NEK11: variants seen among roughly 807,000 people sequenced by gnomAD.
The protein encoded by NEK11 is NIMA related kinase 11.
Under a neutral mutation model 80.7 loss-of-function variants are expected in NEK11, and 72 were observed. The ratio of observed to expected loss-of-function variants is 0.89; its 90% confidence interval spans 0.74 to 1.08. The LOEUF (loss-of-function observed/expected upper bound fraction) is 1.08, where lower values mean the gene tolerates loss of function less well. NEK11 is among the 50% of genes least tolerant of loss of function. The pLI is 0.00. For missense variants in NEK11, 764 were observed against 763.6 expected (o/e 1.00, Z -0.01); for synonymous variants, 251 against 260.7 (o/e 0.96, Z 0.36).
intron 14 of NEK11, among the ~76,000 whole-genome samples, chr3:131,182,999 A>G (rs1410945803): frequency 6.6e-6 from 1 of 152,192 alleles, no homozygotes; most frequent in Non-Finnish European, 1.5e-5. Context: ...GCAGTTGCTT[A>G]TGAGCATATG....
intron 17 of NEK11, among the ~76,000 whole-genome samples, chr3:131,277,468 T>C (rs1433660860): frequency 6.6e-6 from 1 of 152,144 alleles, no homozygotes. Flanking sequence ...AAAGGCAAGA[T>C]CTAGTTAAGA....
rs186967756 is a variant in NEK11, at chr3:131,093,398, A to G, written c.336+12810A>G. On this transcript the variant is annotated intron_variant, in intron 4 of 17. Transcript: ENST00000383366. ...AAGAGTCTGAATATATGAATCTAAAAACCCAATCATGTGGAAAGAACCAGA... is the reference window on the plus strand; with the variant it reads ...AAGAGTCTGAATATATGAATCTAAAGACCCAATCATGTGGAAAGAACCAGA... Among the ~76,000 whole-genome samples the G allele has an allele frequency of 1.3e-3, 199 of 148,790 alleles. No homozygotes were observed. In the South Asian group the frequency reaches 0.015, roughly 11 times the overall value.
At position 131,037,971 on chromosome 3, in the gene NEK11, C is replaced by T. The variant is rs144506436; in HGVS notation, c.170+8093C>T. ...TAATTTAATAGGATTCAGTGGTTTA[C>T]GCCGTGGAGAGTTATGAAAACAATT... is the stretch of plus-strand genomic sequence containing the variant. On this transcript the variant is annotated intron_variant, in intron 3 of 17. Transcript: ENST00000383366. 2.4e-3 allele frequency among the ~76,000 whole-genome samples: 369 copies of T among 152,036 alleles called. 1 individual carries two copies. Among genetic ancestry groups the T allele is most frequent in the African/African-American group, 8.1e-3 (335 of 41,476 alleles).
chr3:131,117,452 A>G (rs1431530286), intron 5 of NEK11, among the ~76,000 whole-genome samples: 1 of 152,062 alleles, frequency 6.6e-6, no homozygotes, highest in Non-Finnish European at 1.5e-5. Flanking sequence ...TTGTCTTGGC[A>G]ATGTGGGCTC....
Position 131,349,976 on chromosome 3 carries a change from G to C in NEK11, c.*200G>C, listed in dbSNP as rs2097428978. Reference sequence around the variant, plus strand: ...ATGCTTGGAGTCATAAGTGTTATTTGGACTATACCCTGAGATAAGCTTATA... The same window carrying C: ...ATGCTTGGAGTCATAAGTGTTATTTCGACTATACCCTGAGATAAGCTTATA... On this transcript the variant is annotated 3_prime_UTR_variant, in exon 18 of 18. Transcript: ENST00000383366. The C allele has an allele frequency of 5.2e-6, 3 of 572,704 alleles. No individual in the cohort carries two copies. Among genetic ancestry groups the C allele is most frequent in the African/African-American group, 3.8e-5 (2 of 53,280 alleles). The allele number at this position is 572,704 out of a possible 1,614,324, so 35.5% of individuals were successfully genotyped here. A position where few individuals can be genotyped will look rare whatever the true frequency, so the allele number is the denominator to read the frequency against.
chr3:131,071,979 T>C (rs2073418283), intron 3 of NEK11, among the ~76,000 whole-genome samples: 1 of 152,210 alleles, frequency 6.6e-6, no homozygotes, highest in African/African-American at 2.4e-5. Flanking sequence ...ACCTTAAGCA[T>C]TTACAAATGA....
At chr3:131,218,231 C>T (rs1383210175) in intron 14 of NEK11, among the ~76,000 whole-genome samples, 1 of 152,062 alleles carries the variant, frequency 6.6e-6, no homozygotes, top group East Asian at 1.9e-4. Context: ...GTATCTGGTG[C>T]ATGTATCTTA....
intron 14 of NEK11, among the ~76,000 whole-genome samples, chr3:131,214,681 G>A (rs578255902): frequency 1.5e-5 from 2 of 129,314 alleles, no homozygotes; most frequent in African/African-American, 2.8e-5. Context: ...TTTCTGTCAC[G>A]TGAATGTGCG....
intron 10 of NEK11, among the ~76,000 whole-genome samples, chr3:131,157,020 A>G (rs2090778275): frequency 6.6e-6 from 1 of 151,950 alleles, no homozygotes; most frequent in African/African-American, 2.4e-5. Flanking sequence ...GAGGCCCTTG[A>G]CCCTGTGGCA....
intron 14 of NEK11, among the ~76,000 whole-genome samples, chr3:131,220,269 C>T (rs1405009140): frequency 6.6e-6 from 1 of 152,056 alleles, no homozygotes; most frequent in African/African-American, 2.4e-5. Context: ...AAAAAAAAAT[C>T]TTATGGTTTT....
At chr3:131,129,255 C>T (rs887441205) in intron 5 of NEK11, among the ~76,000 whole-genome samples, 3 of 152,030 alleles carry the variant, frequency 2.0e-5, no homozygotes, top group Non-Finnish European at 2.9e-5. Context: ...GGGGTTTCAC[C>T]ACGTTAGCCA....
intron 16 of NEK11, among the ~76,000 whole-genome samples, chr3:131,269,991 C>T (rs1192084435): frequency 6.6e-6 from 1 of 152,196 alleles, no homozygotes; most frequent in East Asian, 1.9e-4. Context: ...GTTCCTCTGC[C>T]ACCTAGCCCT....
intron 4 of NEK11, among the ~76,000 whole-genome samples, chr3:131,103,084 G>A (rs952613260): frequency 2.6e-5 from 4 of 152,006 alleles, no homozygotes; most frequent in African/African-American, 9.7e-5. Context: ...TAATTCCTTG[G>A]AATCCTTGGG....
intron 16 of NEK11, among the ~76,000 whole-genome samples, chr3:131,270,688 G>A (rs556035738): frequency 1.3e-5 from 2 of 152,264 alleles, no homozygotes; most frequent in South Asian, 2.1e-4. Flanking sequence ...CCTGTTACTC[G>A]AAATTATACT....
Position 131,350,342 on chromosome 3 carries a change from T to C in NEK11, c.*566T>C, listed in dbSNP as rs930415399. 3.9e-5 allele frequency: 6 copies of C among 152,158 alleles called. No individual in the cohort carries two copies. The highest frequency in any genetic ancestry group is 1.5e-4 in the African/African-American group (6 of 41,372). The allele number at this position is 152,158 out of a possible 1,614,324, so 9.4% of individuals were successfully genotyped here. A position where few individuals can be genotyped will look rare whatever the true frequency, so the allele number is the denominator to read the frequency against. On this transcript the variant is annotated 3_prime_UTR_variant, in exon 18 of 18. Transcript: ENST00000383366. ...CACACACAAGGACCTGGATTAAAAA[T>C]CCAAAAAGTGATTCTCTTCTATGAT...
intron 7 of NEK11, among the ~76,000 whole-genome samples, chr3:131,137,608 T>C (rs1012386815): frequency 1.3e-5 from 2 of 152,142 alleles, no homozygotes; most frequent in Non-Finnish European, 2.9e-5. Flanking sequence ...AATGGAAGCT[T>C]AGGTGAGAAA....
At chr3:131,229,918 A>G (rs937079092) in intron 15 of NEK11, among the ~76,000 whole-genome samples, 3 of 152,154 alleles carry the variant, frequency 2.0e-5, no homozygotes, top group Admixed American at 1.3e-4. Flanking sequence ...AACTTAGCTT[A>G]TACCGTTTCC....
intron 15 of NEK11, among the ~76,000 whole-genome samples, chr3:131,241,856 T>A (rs2095524584): frequency 1.3e-5 from 2 of 152,132 alleles, no homozygotes; most frequent in Non-Finnish European, 2.9e-5. Context: ...TTTATGTGTG[T>A]GTGTTTGTAT....
intron 17 of NEK11, among the ~76,000 whole-genome samples, chr3:131,296,681 TTTAAG>T (rs1382846987): frequency 1.3e-5 from 2 of 152,080 alleles, no homozygotes; most frequent in Admixed American, 6.6e-5. Flanking sequence ...TTATTATACT[TTTAAG>T]TTTTAGGGTA....
Sources: allele counts gnomAD v4.1 joint callset (sites outside exome capture counted in the v4.1 genomes callset), GRCh38; gene constraint gnomAD v4.1.1; transcripts MANE v1.5; gene names NCBI Gene and HGNC (gene_info 2026-07-23, HGNC 2026-07-21).